Variants in EDA observed in about 807,000 individuals in gnomAD.
The protein encoded by EDA is ectodysplasin A.
EDA carries 2 observed loss-of-function variants against 23.6 expected under a neutral mutation model. The ratio of observed to expected loss-of-function variants is 0.08; its 90% CI spans 0.03 to 0.27. The LOEUF (loss-of-function observed/expected upper bound fraction) is 0.27. Among genes scored for constraint, EDA ranks in the 10% least tolerant of loss-of-function variants. EDA has a pLI of 1.00. For synonymous variants in EDA, 131 were observed against 132.0 expected (o/e 0.99, Z 0.05); for missense variants, 229 against 324.2 (o/e 0.71, Z 2.26).
At chrX:69,733,919 CT>C (rs60368757) in intron 1 of EDA, among the ~76,000 whole-genome samples, 1,076 of 102,916 alleles carry the variant, frequency 0.01, 9 homozygotes, top group African/African-American at 0.03. Flanking sequence ...AATATTTTTG[CT>C]TTTTTTTTTA....
intron 1 of EDA, among the ~76,000 whole-genome samples, chrX:69,910,719 A>G (rs2018254206): frequency 9.0e-6 from 1 of 111,144 alleles, no homozygotes; most frequent in Admixed American, 9.7e-5. Context: ...CATTCTGCTA[A>G]GTCTGAGGGT....
At chrX:69,670,756 T>G (rs1372924844) in intron 1 of EDA, among the ~76,000 whole-genome samples, 1 of 111,114 alleles carries the variant, frequency 9.0e-6, no homozygotes, top group Non-Finnish European at 1.9e-5. Context: ...GGATTTATTT[T>G]TGGTTCTTTT....
chrX:69,837,169 T>C (rs1220658925), intron 1 of EDA, among the ~76,000 whole-genome samples: 1 of 111,501 alleles, frequency 9.0e-6, no homozygotes, highest in East Asian at 2.8e-4. Context: ...TTTGATAATG[T>C]GTCTGGTGTA....
intron 1 of EDA, among the ~76,000 whole-genome samples, chrX:69,765,808 T>G (rs2014452980): frequency 9.0e-6 from 1 of 111,139 alleles, no homozygotes; most frequent in African/African-American, 3.3e-5. Context: ...GTATAGCCAA[T>G]AAAAACAATT....
chrX:69,883,012 A>G (rs1479287601), intron 1 of EDA, among the ~76,000 whole-genome samples: 10 of 112,412 alleles, frequency 8.9e-5, no homozygotes, highest in African/African-American at 3.2e-4. Context: ...CCGGCCCTGT[A>G]ACTACCTTTA....
chrX:69,785,995 T>C (rs138212637), intron 1 of EDA, among the ~76,000 whole-genome samples: 1,961 of 110,608 alleles, frequency 0.018, 51 homozygotes, highest in East Asian at 0.15. Context: ...TATTCAGAGA[T>C]TCAACCTCTT....
intron 1 of EDA, among the ~76,000 whole-genome samples, chrX:69,718,676 A>G (rs187875896): frequency 1.8e-5 from 2 of 111,068 alleles, no homozygotes; most frequent in East Asian, 5.7e-4. Context: ...TTCTTTTCAT[A>G]TATTTTGGAT....
At chrX:69,764,200 C>T (rs1021168090) in intron 1 of EDA, among the ~76,000 whole-genome samples, 1 of 103,823 alleles carries the variant, frequency 9.6e-6, no homozygotes, top group Non-Finnish European at 1.9e-5. Flanking sequence ...TTTTCTTCCA[C>T]CACTACCACT....
chrX:69,705,081 G>A (rs1258963093), intron 1 of EDA, among the ~76,000 whole-genome samples: 4 of 109,202 alleles, frequency 3.7e-5, no homozygotes, highest in African/African-American at 1.3e-4. Context: ...AAATTAGCTG[G>A]ATGTCGTGAT....
At chrX:69,788,969 G>A (rs2015304945) in intron 1 of EDA, among the ~76,000 whole-genome samples, 1 of 112,330 alleles carries the variant, frequency 8.9e-6, no homozygotes, top group African/African-American at 3.2e-5. Flanking sequence ...GACCCTCCGA[G>A]CCAGGTGCGG....
chrX:70,013,055 A>G (rs780373879), intron 2 of EDA, among the ~76,000 whole-genome samples: 1 of 112,528 alleles, frequency 8.9e-6, no homozygotes, highest in Non-Finnish European at 1.9e-5. Context: ...TTTTCCATGC[A>G]GGTCTCTGAC....
chrX:69,914,211 G>A (rs1255067347), intron 1 of EDA, among the ~76,000 whole-genome samples: 1 of 111,864 alleles, frequency 8.9e-6, no homozygotes, highest in Non-Finnish European at 1.9e-5. Flanking sequence ...TATGTGTGAA[G>A]CATATTAAAG....
chrX:69,821,823 G>A (rs1038872533), intron 1 of EDA, among the ~76,000 whole-genome samples: 24 of 112,071 alleles, frequency 2.1e-4, no homozygotes, highest in African/African-American at 7.5e-4. Context: ...TATAAGATAT[G>A]TGTAACATAA....
chrX:69,747,949 G>A (rs2013674993), intron 1 of EDA, among the ~76,000 whole-genome samples: 1 of 111,030 alleles, frequency 9.0e-6, no homozygotes, highest in Admixed American at 9.6e-5. Context: ...TGGTAAGGAG[G>A]GCAGTGAGAG....
intron 1 of EDA, among the ~76,000 whole-genome samples, chrX:69,871,453 C>T (rs745960871): frequency 9.0e-6 from 1 of 111,565 alleles, no homozygotes; most frequent in East Asian, 2.8e-4. Flanking sequence ...GAACTTGGAA[C>T]TTGGAGTCCA....
intron 1 of EDA, among the ~76,000 whole-genome samples, chrX:69,687,944 T>C (rs1569296910): frequency 8.9e-6 from 1 of 111,766 alleles, no homozygotes; most frequent in Admixed American, 9.6e-5. Flanking sequence ...AAGGAAAGCA[T>C]TGAGCAGTAG....
intron 1 of EDA, among the ~76,000 whole-genome samples, chrX:69,865,890 G>A (rs759409958): frequency 7.1e-5 from 8 of 112,276 alleles, no homozygotes; most frequent in East Asian, 5.6e-4. Context: ...TAAGTCTTAC[G>A]TCACATGATA....
chrX:69,703,973 CAT>C (rs2011616457), intron 1 of EDA, among the ~76,000 whole-genome samples: 1 of 112,136 alleles, frequency 8.9e-6, no homozygotes, highest in African/African-American at 3.2e-5. Flanking sequence ...TAGATAACAA[CAT>C]AGTATATATA....
chrX:70,029,586 C>T, intron 5 of EDA, 48 bp downstream of exon 5: 16 of 1,139,019 alleles, frequency 1.4e-5, no homozygotes, highest in Non-Finnish European at 1.9e-5. Flanking sequence ...AAGCCACAGG[C>T]TAGAGCCACC....
Sources: gnomAD v4.1 joint callset for allele counts (sites outside exome capture counted in the v4.1 genomes callset) on GRCh38, gnomAD v4.1.1 for gene constraint, MANE v1.5 for transcripts, NCBI Gene and HGNC (gene_info 2026-07-23, HGNC 2026-07-21) for gene names.